Variants in DMRT1 observed in about 807,000 individuals in gnomAD.
DMRT1 encodes doublesex and mab-3 related transcription factor 1.
A neutral mutation model predicts 32.3 loss-of-function variants in DMRT1; 7 were observed. The observed-to-expected ratio is 0.22, with a 90% CI of 0.12 to 0.41. The LOEUF is 0.41. DMRT1 is among the 10% of genes least tolerant of loss of function. DMRT1 has a pLI of 1.00. For synonymous variants in DMRT1, 278 were observed against 206.1 expected (o/e 1.35, Z -2.99); for missense variants, 625 against 500.5 (o/e 1.25, Z -2.37).
chr9:920,131 GT>G (rs1303198652), intron 4 of DMRT1, among the ~76,000 whole-genome samples: 3 of 152,142 alleles, frequency 2.0e-5, no homozygotes, highest in Non-Finnish European at 2.9e-5. Flanking sequence ...AGTTGGATGT[GT>G]GGAGTCTGAG....
In DMRT1 at chr9:968,833, G is replaced by A. The variant is rs1413004471; in HGVS notation, c.*694G>A. ...TTCCTGAGTGGTGTTTGTAGAATGAGTTTATCATACATTCTTTCTACTACT... is the reference window on the plus strand; with the variant it reads ...TTCCTGAGTGGTGTTTGTAGAATGAATTTATCATACATTCTTTCTACTACT... On this transcript the variant is annotated 3_prime_UTR_variant, in exon 5 of 5. Coordinates refer to ENST00000382276, the MANE Select transcript of DMRT1 (RefSeq NM_021951.3). 6.5e-6 allele frequency: 1 copy of A among 152,732 alleles called. No homozygotes were observed. The highest frequency in any genetic ancestry group is 1.5e-5 in the Non-Finnish European group (1 of 68,126). 9.5% of individuals were successfully genotyped at this position (152,732 alleles called of 1,614,324 possible).
At chr9:859,243 C>T (rs1371996646) in intron 2 of DMRT1, among the ~76,000 whole-genome samples, 3 of 152,130 alleles carry the variant, frequency 2.0e-5, no homozygotes, top group Admixed American at 6.6e-5. Flanking sequence ...CTGCTCTAAC[C>T]TGTGCCTCTT....
chr9:858,893 ATTTATCATTG>A (rs1351078283), intron 2 of DMRT1, among the ~76,000 whole-genome samples: 1 of 148,202 alleles, frequency 6.7e-6, no homozygotes, highest in East Asian at 2.0e-4. Context: ...ATATATATAT[ATTTATCATTG>A]TAACCATTTT....
chr9:938,413 A>G (rs1818956249), intron 4 of DMRT1, among the ~76,000 whole-genome samples: 1 of 152,168 alleles, frequency 6.6e-6, no homozygotes, highest in African/African-American at 2.4e-5. Context: ...TGAACACGGG[A>G]TGATGTCTTT....
At chr9:922,846 T>C (rs968062750) in intron 4 of DMRT1, among the ~76,000 whole-genome samples, 5 of 152,092 alleles carry the variant, frequency 3.3e-5, no homozygotes, top group African/African-American at 9.7e-5. Context: ...ACAGAGGTTG[T>C]CAGCAGTTCC....
intron 2 of DMRT1, among the ~76,000 whole-genome samples, chr9:851,577 C>G (rs1839154103): frequency 6.6e-6 from 1 of 152,098 alleles, no homozygotes; most frequent in Admixed American, 6.6e-5. Flanking sequence ...TTAGTTATCT[C>G]CTTTTGGCTC....
At chr9:852,029 T>C (rs557203435) in intron 2 of DMRT1, among the ~76,000 whole-genome samples, 1 of 151,698 alleles carries the variant, frequency 6.6e-6, no homozygotes, top group South Asian at 2.1e-4. Context: ...AACCTCTGCC[T>C]CCTGGGTTCA....
At chr9:917,867 C>A in intron 4 of DMRT1, among the ~76,000 whole-genome samples, 1 of 152,272 alleles carries the variant, frequency 6.6e-6, no homozygotes, top group East Asian at 1.9e-4. Context: ...ATATAGGTCA[C>A]GGGAGCCTAT....
At chr9:900,930 G>T (rs1817548680) in intron 3 of DMRT1, among the ~76,000 whole-genome samples, 1 of 152,058 alleles carries the variant, frequency 6.6e-6, no homozygotes, top group African/African-American at 2.4e-5. Flanking sequence ...TGGCTCAAGT[G>T]AGCCTCCTGC....
rs73374729 is a variant in DMRT1 at position 887,123 on chromosome 9, G to A, written c.539-6789G>A. On this transcript the variant is annotated intron_variant, in intron 2 of 4. Coordinates refer to ENST00000382276, the MANE Select transcript of DMRT1 (RefSeq NM_021951.3). Reference sequence around the variant, plus strand: ...GGAGAATCACTTGAACCTGGGAGGCGGAGGTTGCAGTGAGCCGAGATCAGG... The same window carrying A: ...GGAGAATCACTTGAACCTGGGAGGCAGAGGTTGCAGTGAGCCGAGATCAGG... Among the ~76,000 whole-genome samples, 473 of 152,280 alleles carry A rather than the reference G, an allele frequency of 3.1e-3. 1 individual carries two copies. Among genetic ancestry groups the A allele is most frequent in the African/African-American group, 0.011 (453 of 41,554 alleles).
intron 2 of DMRT1, among the ~76,000 whole-genome samples, chr9:860,871 C>T (rs1033661034): frequency 2.8e-4 from 42 of 152,130 alleles, no homozygotes; most frequent in South Asian, 2.3e-3. Context: ...CTGAGGCAGG[C>T]AGCTGTGAGC....
At chr9:845,191 G>A (rs1476642804) in intron 1 of DMRT1, among the ~76,000 whole-genome samples, 1 of 151,984 alleles carries the variant, frequency 6.6e-6, no homozygotes, top group Admixed American at 6.6e-5. Context: ...CTTTAAACCT[G>A]TTTTTTCAAT....
intron 3 of DMRT1, among the ~76,000 whole-genome samples, chr9:916,288 A>C (rs1312162233): frequency 1.3e-5 from 2 of 152,192 alleles, no homozygotes; most frequent in African/African-American, 4.8e-5. Flanking sequence ...AAAGGGCACC[A>C]TCATAGTTCT....
At chr9:901,162 G>A (rs1817558808) in intron 3 of DMRT1, among the ~76,000 whole-genome samples, 2 of 152,098 alleles carry the variant, frequency 1.3e-5, no homozygotes, top group Admixed American at 6.5e-5. Flanking sequence ...CTACAGGCAT[G>A]TACCACCACA....
At chr9:851,441 G>A (rs7852718) in intron 2 of DMRT1, among the ~76,000 whole-genome samples, 106,108 of 151,904 alleles carry the variant, frequency 0.7, 37,929 homozygotes, top group Middle Eastern at 0.78. Context: ...GTTTCACCAT[G>A]TTGGTCAGGC....
intron 4 of DMRT1, among the ~76,000 whole-genome samples, chr9:948,366 C>G (rs1047581228): frequency 3.3e-5 from 5 of 152,146 alleles, no homozygotes; most frequent in African/African-American, 1.2e-4. Context: ...CCTCTCCTCT[C>G]CACAGGGACA....
chr9:891,760 G>A (rs529757435), intron 2 of DMRT1, among the ~76,000 whole-genome samples: 2 of 151,746 alleles, frequency 1.3e-5, no homozygotes, highest in East Asian at 1.9e-4. Flanking sequence ...TCCTGACCTC[G>A]TGAATCACCT....
intron 4 of DMRT1, among the ~76,000 whole-genome samples, chr9:964,829 A>G (rs1444250771): frequency 1.3e-5 from 2 of 152,202 alleles, no homozygotes; most frequent in Middle Eastern, 3.2e-3. Context: ...ACATGTCACT[A>G]GATTGCTGTC....
At chr9:894,293 G>A in intron 3 of DMRT1, 98 bp downstream of exon 3, 2 of 1,326,886 alleles carry the variant, frequency 1.5e-6, no homozygotes, top group South Asian at 1.2e-5. Context: ...ACGCACTTGT[G>A]CGCCCAGAGG....
Sources: allele counts gnomAD v4.1 joint callset (sites outside exome capture counted in the v4.1 genomes callset), GRCh38; gene constraint gnomAD v4.1.1; transcripts MANE v1.5; gene names NCBI Gene and HGNC (gene_info 2026-07-23, HGNC 2026-07-21).